The following HTR4 variants were observed in gnomAD, a reference collection of about 807,000 sequenced individuals.
HTR4 encodes 5-hydroxytryptamine (serotonin) receptor 4, G protein-coupled.
HTR4 carries 16 observed loss-of-function variants against 36.8 expected under a neutral mutation model. That is an observed-to-expected ratio of 0.43 (90% CI 0.29 to 0.66). HTR4 has a LOEUF of 0.66. HTR4 is among the 30% of genes least tolerant of loss of function. HTR4 has a pLI of 0.13. For synonymous variants in HTR4, 189 were observed against 185.1 expected (o/e 1.02, Z -0.17); for missense variants, 438 against 490.9 (o/e 0.89, Z 1.02).
chr5:148,537,411 A>G (rs1758878767), intron 4 of HTR4, among the ~76,000 whole-genome samples: 2 of 152,188 alleles, frequency 1.3e-5, no homozygotes, highest in African/African-American at 4.8e-5. Flanking sequence ...AAGGAAATCA[A>G]GACACAAAAA....
At chr5:148,464,313 A>G (rs940542182) in intron 5 of HTR4, among the ~76,000 whole-genome samples, 1 of 152,164 alleles carries the variant, frequency 6.6e-6, no homozygotes, top group Non-Finnish European at 1.5e-5. Context: ...ATAGACTGGG[A>G]AAAAATATTT....
At chr5:148,641,402 A>T (rs1753724762) in intron 1 of HTR4, among the ~76,000 whole-genome samples, 1 of 152,128 alleles carries the variant, frequency 6.6e-6, no homozygotes. Flanking sequence ...CCTCCATACT[A>T]ATCCCCTTCG....
chr5:148,638,089 C>G (rs1215443176), intron 1 of HTR4, among the ~76,000 whole-genome samples: 1 of 152,202 alleles, frequency 6.6e-6, no homozygotes, highest in Non-Finnish European at 1.5e-5. Flanking sequence ...GGCCCTTGGA[C>G]ACCTTGGCCA....
At chr5:148,529,607 C>A (rs1211636728) in intron 4 of HTR4, among the ~76,000 whole-genome samples, 1 of 152,164 alleles carries the variant, frequency 6.6e-6, no homozygotes, top group Non-Finnish European at 1.5e-5. Context: ...ATGTCTTTAT[C>A]AGCAGCATGA....
intron 4 of HTR4, among the ~76,000 whole-genome samples, chr5:148,542,277 A>G (rs1452629496): frequency 1.3e-5 from 2 of 152,236 alleles, no homozygotes; most frequent in Admixed American, 6.5e-5. Flanking sequence ...TTCCTTGTGA[A>G]ATGCATTTCA....
At position 148,501,903 on chromosome 5, in the gene HTR4, C is replaced by CA. The variant is rs550619189; in HGVS notation, c.1076+7552dup. ...TGAAACCCTGTCTCTACTAAAAATA[C>CA]AAAAAAATTAGCCAGGCATGGTGGC... On this transcript the variant is annotated intron_variant, in intron 6 of 6. Coordinates refer to ENST00000377888, the MANE Select transcript of HTR4 (RefSeq NM_000870.7). Among the ~76,000 whole-genome samples, 29 of 151,642 alleles carry CA rather than the reference C, an allele frequency of 1.9e-4. No individual in the cohort carries two copies. In the South Asian group the frequency reaches 5.8e-3, roughly 31 times the overall value.
chr5:148,620,291 A>G (rs1364800463), intron 2 of HTR4, among the ~76,000 whole-genome samples: 1 of 152,244 alleles, frequency 6.6e-6, no homozygotes, highest in African/African-American at 2.4e-5. Flanking sequence ...CATTGTGTTG[A>G]AAAGGAAGGT....
chr5:148,488,729 G>A (rs1756276000), intron 6 of HTR4, among the ~76,000 whole-genome samples: 1 of 152,170 alleles, frequency 6.6e-6, no homozygotes, highest in Non-Finnish European at 1.5e-5. Flanking sequence ...ATGACATCTA[G>A]GATCTTTCTT....
intron 5 of HTR4, among the ~76,000 whole-genome samples, chr5:148,457,372 A>T (rs1018741129): frequency 6.6e-6 from 1 of 152,082 alleles, no homozygotes; most frequent in African/African-American, 2.4e-5. Context: ...TTACTCAAAC[A>T]TGACGGGAGC....
chr5:148,546,662 T>C (rs1759398213), intron 4 of HTR4, among the ~76,000 whole-genome samples: 1 of 152,190 alleles, frequency 6.6e-6, no homozygotes, highest in African/African-American at 2.4e-5. Context: ...TGACTGGCTC[T>C]TTTTCTTACT....
intron 4 of HTR4, among the ~76,000 whole-genome samples, chr5:148,524,230 C>T (rs1758156483): frequency 1.3e-5 from 2 of 152,182 alleles, no homozygotes; most frequent in African/African-American, 4.8e-5. Context: ...CACTTCTTGG[C>T]ATCCTTACGG....
chr5:148,517,237 G>T (rs1757799465), intron 5 of HTR4, among the ~76,000 whole-genome samples: 1 of 151,858 alleles, frequency 6.6e-6, no homozygotes, highest in South Asian at 2.1e-4. Flanking sequence ...TTCCTCACTG[G>T]CTGTTCCTTC....
At position 148,553,142 on chromosome 5, in the gene HTR4, G is replaced by A. The variant is rs1025441393; in HGVS notation, c.27-2880C>T. 2.0e-5 allele frequency among the ~76,000 whole-genome samples: 3 copies of A among 152,320 alleles called. 1 individual carries two copies. In the South Asian group the frequency reaches 6.2e-4, roughly 32 times the overall value. ...TAGGGAAACAGCAATAAGCAAAACA[G>A]AGAGAAAAACAGACAATAAACAGAT... On this transcript the variant is annotated intron_variant, in intron 2 of 6. Transcript: ENST00000377888.
chr5:148,542,423 G>T (rs1267233921), intron 4 of HTR4, among the ~76,000 whole-genome samples: 2 of 152,202 alleles, frequency 1.3e-5, no homozygotes. Context: ...TCCAGCACAA[G>T]ATTAAACATG....
intron 2 of HTR4, among the ~76,000 whole-genome samples, chr5:148,550,920 T>G (rs1167044811): frequency 6.6e-6 from 1 of 152,116 alleles, no homozygotes; most frequent in Non-Finnish European, 1.5e-5. Flanking sequence ...CAAGATCCAA[T>G]CAGATCACAC....
At chr5:148,628,534 T>C (rs1372049768) in intron 2 of HTR4, 1 of 152,180 alleles carries the variant, frequency 6.6e-6, no homozygotes, top group Non-Finnish European at 1.5e-5. Context: ...AAATTATATA[T>C]ACCTTAGGAG....
chr5:148,456,638 T>G (rs939192997), intron 5 of HTR4, among the ~76,000 whole-genome samples: 2 of 152,224 alleles, frequency 1.3e-5, no homozygotes, highest in Non-Finnish European at 2.9e-5. Flanking sequence ...ACACAATGGA[T>G]GCAGTAATCT....
chr5:148,478,865 C>A (rs1755788238), downstream of HTR4, among the ~76,000 whole-genome samples: 1 of 152,188 alleles, frequency 6.6e-6, no homozygotes, highest in Admixed American at 6.5e-5. Context: ...CTGGACATTA[C>A]TCTGTCTCCT....
intron 2 of HTR4, among the ~76,000 whole-genome samples, chr5:148,625,054 G>A (rs1273366325): frequency 6.6e-6 from 1 of 152,134 alleles, no homozygotes; most frequent in East Asian, 1.9e-4. Flanking sequence ...TGGGGGTCAG[G>A]AGATGATAAA....
Sources: allele counts gnomAD v4.1 joint callset (sites outside exome capture counted in the v4.1 genomes callset), GRCh38; gene constraint gnomAD v4.1.1; transcripts MANE v1.5; gene names NCBI Gene and HGNC (gene_info 2026-07-23, HGNC 2026-07-21).